The following PTGIS variants were observed in gnomAD, a reference collection of about 807,000 sequenced individuals.
PTGIS encodes prostaglandin I2 synthase, also known as prostacyclin synthase.
In PTGIS, 45 loss-of-function variants were observed where a neutral mutation model predicts 50.3. That is an observed-to-expected ratio of 0.90 (90% CI 0.70 to 1.15). The LOEUF is 1.15. Among genes scored for constraint, PTGIS ranks in the 50% most tolerant of loss-of-function variants. The pLI is 0.00. For synonymous variants in PTGIS, 260 were observed against 267.7 expected (o/e 0.97, Z 0.28); for missense variants, 668 against 661.3 (o/e 1.01, Z -0.11).
chr20:49,547,963 C>T lies in PTGIS; in HGVS notation c.255G>A (p.Ala85=), dbSNP rs768815257. The T allele has an allele frequency of 1.4e-5, 23 of 1,613,976 alleles. No individual in the cohort carries two copies. Among genetic ancestry groups the T allele is most frequent in the South Asian group, 1.3e-4 (12 of 91,072 alleles). The part of the protein sequence containing the change: ...TVLLDPHSYD[A]VVWEPRTRLD... ...GCCTGGTGCGAGGCTCCCACACCAC[C>T]GCGTCGTAGGAGTGTGGGTCCAGGA... The change falls in exon 3 of 10, where the codon GCG becomes GCA. Residue 85 remains alanine (A), a synonymous_variant. Transcript: ENST00000244043.
intron 3 of PTGIS, 22 bp from the exon 4 acceptor site, chr20:49,544,470 T>A: frequency 6.2e-7 from 1 of 1,613,960 alleles, no homozygotes; most frequent in Non-Finnish European, 8.5e-7. Flanking sequence ...AACAAAAGCA[T>A]GAAAATTTGG....
intron 8 of PTGIS, among the ~76,000 whole-genome samples, chr20:49,511,394 A>T (rs902840406): frequency 8.5e-5 from 13 of 152,344 alleles, no homozygotes; most frequent in African/African-American, 2.9e-4. Context: ...GTTGAGTGAA[A>T]AAAGCAAGTT....
intron 1 of PTGIS, among the ~76,000 whole-genome samples, chr20:49,551,422 G>C (rs1254067848): frequency 2.6e-5 from 4 of 152,072 alleles, no homozygotes; most frequent in African/African-American, 9.7e-5. Flanking sequence ...TTATAACCCA[G>C]ACATTTATTT....
Position 49,524,188 on chromosome 20 carries a change from G to A in PTGIS, c.725C>T (p.Ser242Phe), listed in dbSNP as rs141132754. 3.2e-4 allele frequency: 521 copies of A among 1,614,216 alleles called. 1 individual carries two copies. Among genetic ancestry groups the A allele is most frequent in the Non-Finnish European group, 3.8e-4 (454 of 1,180,044 alleles). Reference protein sequence around the residue: ...SVKSRLWKLLSPARLARRAHR... With the variant: ...SVKSRLWKLLFPARLARRAHR... ...GGCCCGCCTGGCCAGCCTGGCTGGG[G>A]ATAGCAGCTTCCACAGGCGACTTTT... is the stretch of plus-strand genomic sequence containing the variant. The change falls in exon 6 of 10, where the codon TCC becomes TTC. Residue 242 changes from serine (S) to phenylalanine (F), a missense_variant. Coordinates refer to ENST00000244043, the MANE Select transcript of PTGIS (RefSeq NM_000961.4).
chr20:49,541,844 G>A (rs7274156), intron 4 of PTGIS, among the ~76,000 whole-genome samples: 4 of 152,224 alleles, frequency 2.6e-5, no homozygotes, highest in African/African-American at 9.6e-5. Context: ...CATATCAAAA[G>A]AGCACGGCTG....
chr20:49,567,793 G>A (rs1982938503), intron 1 of PTGIS, among the ~76,000 whole-genome samples: 1 of 152,216 alleles, frequency 6.6e-6, no homozygotes, highest in East Asian at 1.9e-4. Context: ...CGCGGTGGGC[G>A]ATTCGCCCCG....
intron 1 of PTGIS, among the ~76,000 whole-genome samples, chr20:49,553,802 G>A (rs987656348): frequency 6.6e-5 from 10 of 151,866 alleles, no homozygotes; most frequent in Middle Eastern, 3.5e-3. Context: ...AAAGAATCCC[G>A]TAAAAATTTT....
intron 4 of PTGIS, 143 bp from the exon 5 acceptor site, chr20:49,539,864 TCGGCAGTG>T: frequency 8.2e-7 from 1 of 1,218,716 alleles, no homozygotes; most frequent in Non-Finnish European, 1.1e-6. Context: ...CACTGAACAG[TCGGCAGTG>T]AAAAAAACAA....
intron 7 of PTGIS, among the ~76,000 whole-genome samples, chr20:49,513,692 C>A (rs927213827): frequency 1.3e-5 from 2 of 152,120 alleles, no homozygotes; most frequent in East Asian, 1.9e-4. Context: ...TGTGACTGGC[C>A]AATCAGAGCA....
chr20:49,559,475 T>C (rs1411703448), intron 1 of PTGIS, among the ~76,000 whole-genome samples: 1 of 152,188 alleles, frequency 6.6e-6, no homozygotes, highest in Non-Finnish European at 1.5e-5. Flanking sequence ...AACCCTCTCT[T>C]GGGGTCTGGA....
In PTGIS at chr20:49,505,568, G is replaced by C. The variant is rs1478419785; in HGVS notation, c.*2352C>G. 1 of 152,610 alleles carries C rather than the reference G, an allele frequency of 6.6e-6. No homozygotes were observed. Among genetic ancestry groups the C allele is most frequent in the Non-Finnish European group, 1.5e-5 (1 of 68,056 alleles). The allele number at this position is 152,610 out of a possible 1,614,324, so 9.5% of individuals were successfully genotyped here. On this transcript the variant is annotated 3_prime_UTR_variant, in exon 10 of 10. Coordinates refer to ENST00000244043, the MANE Select transcript of PTGIS (RefSeq NM_000961.4). ...AGTGACAACCCAGCCTGATTTGGAA[G>C]GGGGGAGTCATAAGGGTTTTCGCCC...
Position 49,544,368 on chromosome 20 carries a change from G to A in PTGIS, c.458C>T (p.Thr153Ile), listed in dbSNP as rs753730172. 4 of 1,614,172 alleles carry A rather than the reference G, an allele frequency of 2.5e-6. No homozygotes were observed. Among genetic ancestry groups the A allele is most frequent in the East Asian group, 2.2e-5 (1 of 44,882 alleles). ...NLHAVLLGDA[T>I]EAGSGWHEMG... ...CTCGTGCCAGCCACTGCCTGCTTCT[G>A]TAGCATCGCCCAACAGCACTGCATG... is the stretch of plus-strand genomic sequence containing the variant. Residue 153 changes from threonine to isoleucine, a missense_variant, in exon 4 of 10, where the codon ACA (threonine) becomes ATA (isoleucine). Physicochemically the swap from Thr to Ile is moderately conservative, Grantham distance 89. Coordinates refer to ENST00000244043, the MANE Select transcript of PTGIS (RefSeq NM_000961.4).
chr20:49,520,023 C>T (rs956135778), intron 6 of PTGIS, among the ~76,000 whole-genome samples: 3 of 151,756 alleles, frequency 2.0e-5, no homozygotes, highest in Admixed American at 1.3e-4. Flanking sequence ...AAGCGAAAGA[C>T]AGGCCAGGTT....
chr20:49,534,105 G>C (rs1167394772), intron 5 of PTGIS, among the ~76,000 whole-genome samples: 1 of 152,056 alleles, frequency 6.6e-6, no homozygotes, highest in Admixed American at 6.6e-5. Context: ...TGCATAGATG[G>C]CCTTTAGATG....
chr20:49,528,723 T>A (rs1435787978), intron 5 of PTGIS, among the ~76,000 whole-genome samples: 2 of 152,174 alleles, frequency 1.3e-5, no homozygotes, highest in African/African-American at 4.8e-5. Context: ...ACACTAAACC[T>A]TACCCAAGAG....
At chr20:49,532,975 TGCCATGAATGAGGGCTGCCAG>T (rs1469550466) in intron 5 of PTGIS, among the ~76,000 whole-genome samples, 1 of 152,222 alleles carries the variant, frequency 6.6e-6, no homozygotes, top group Admixed American at 6.5e-5. Flanking sequence ...GATAACCGGA[TGCCATGAATGAGGGCTGCCAG>T]GCCCACGGTG....
At chr20:49,523,880 T>C (rs1981720440) in intron 6 of PTGIS, among the ~76,000 whole-genome samples, 178 bp downstream of exon 6, 1 of 152,230 alleles carries the variant, frequency 6.6e-6, no homozygotes, top group African/African-American at 2.4e-5. Flanking sequence ...TGGGTATGTG[T>C]GCACACACCC....
At chr20:49,518,487 A>G (rs932534995) in intron 6 of PTGIS, among the ~76,000 whole-genome samples, 1 of 152,222 alleles carries the variant, frequency 6.6e-6, no homozygotes, top group African/African-American at 2.4e-5. Context: ...TGAATAAAGT[A>G]TAGACTTTAG....
chr20:49,527,988 G>A (rs1981832875), intron 5 of PTGIS, among the ~76,000 whole-genome samples: 1 of 151,354 alleles, frequency 6.6e-6, no homozygotes, highest in East Asian at 2.0e-4. Context: ...ATACAAAAAA[G>A]GATAAGCTGG....
Sources: allele counts gnomAD v4.1 joint callset (sites outside exome capture counted in the v4.1 genomes callset), GRCh38; gene constraint gnomAD v4.1.1; transcripts MANE v1.5; gene names NCBI Gene and HGNC (gene_info 2026-07-23, HGNC 2026-07-21).